Variants in ZSCAN25 observed in about 807,000 individuals in gnomAD.
The protein encoded by ZSCAN25 is zinc finger and SCAN domain-containing protein 25.
ZSCAN25 carries 27 observed loss-of-function variants against 38.7 expected under a neutral mutation model. That is an observed-to-expected ratio of 0.70 (90% CI 0.51 to 0.96). The LOEUF is 0.96. Among genes scored for constraint, ZSCAN25 ranks in the 40% least tolerant of loss-of-function variants. The pLI, the probability that ZSCAN25 is intolerant of heterozygous loss-of-function variation, is 0.00. For synonymous variants in ZSCAN25, 273 were observed against 277.7 expected (o/e 0.98, Z 0.17); for missense variants, 637 against 705.9 (o/e 0.90, Z 1.11).
At chr7:99,660,530 T>A in the ZSCAN25 span, 23 of 1,613,514 alleles carry the variant, frequency 1.4e-5, no homozygotes, top group Non-Finnish European at 1.8e-5. Flanking sequence ...AATCTCCTTT[T>A]GCAGTTTCTG....
the ZSCAN25 span, chr7:99,699,893 G>A: frequency 2.1e-6 from 2 of 971,222 alleles, no homozygotes; most frequent in Non-Finnish European, 3.3e-6. Context: ...TAAAACAGAT[G>A]AGGGAACAGG....
chr7:99,698,322 G>T, the ZSCAN25 span, among the ~76,000 whole-genome samples: 1 of 152,184 alleles, frequency 6.6e-6, no homozygotes, highest in African/African-American at 2.4e-5. Flanking sequence ...CTGTGTCCAG[G>T]CTTGAAGCAG....
Position 99,622,583 on chromosome 7 carries a change from CG to C in ZSCAN25, c.625del (p.Ala209GlnfsTer2). 6.2e-7 allele frequency: 1 copy of C among 1,614,182 alleles called. No homozygotes were observed. On this transcript the variant is annotated frameshift_variant, in exon 6 of 8. Coordinates refer to ENST00000394152, the MANE Select transcript of ZSCAN25 (RefSeq NM_145115.3). LOFTEE classifies it high-confidence loss of function. ...PVLQAGPGLP[A>X]VNPRDQEMAA... ...TTCTGCAGGCGGGTCCTGGCCTCCC[CG>C]CAGTGAATCCCAGAGACCAAGAGAT...
At chr7:99,709,226 C>T in the ZSCAN25 span, 4 of 1,613,924 alleles carry the variant, frequency 2.5e-6, no homozygotes, top group Non-Finnish European at 2.5e-6. Context: ...TGTCAAGATA[C>T]TCCAACTGTA....
At position 99,631,111 on chromosome 7, in the gene ZSCAN25, A is replaced by G; in HGVS notation, c.*1091A>G. 1.2e-5 allele frequency: 12 copies of G among 985,430 alleles called. No homozygotes were observed. The highest frequency in any genetic ancestry group is 1.4e-5 in the Non-Finnish European group (12 of 829,938). 61.0% of individuals were successfully genotyped at this position (985,430 alleles called of 1,614,324 possible). On this transcript the variant is annotated 3_prime_UTR_variant, in exon 8 of 8. Coordinates refer to ENST00000394152, the MANE Select transcript of ZSCAN25 (RefSeq NM_145115.3). ...CGTAGAGCTTATGTCTCGTGGATGT[A>G]CCTGATCTTCAGAACCCGTGGATAT...
the ZSCAN25 span, chr7:99,638,543 C>T: frequency 2.6e-6 from 4 of 1,524,366 alleles, no homozygotes; most frequent in Admixed American, 1.7e-5. Flanking sequence ...TGTAGTTATG[C>T]CGCGAGAGCG....
rs1473529474 is a variant in ZSCAN25, at chr7:99,630,056, T to G, written c.*36T>G. The G allele has an allele frequency of 6.7e-7, 1 of 1,484,106 alleles. No homozygotes were observed. The allele number at this position is 1,484,106 out of a possible 1,614,324, so 91.9% of individuals were successfully genotyped here. On this transcript the variant is annotated 3_prime_UTR_variant, in exon 8 of 8. Coordinates refer to ENST00000394152, the MANE Select transcript of ZSCAN25 (RefSeq NM_145115.3). ...TGGCAGGCAGCACCATCATTCATCT[T>G]TCTCACTGCAGGGCCTTGCGGGGTG... is the stretch of plus-strand genomic sequence containing the variant.
chr7:99,665,183 G>T, the ZSCAN25 span: 1 of 1,612,338 alleles, frequency 6.2e-7, no homozygotes, highest in Non-Finnish European at 8.5e-7. Flanking sequence ...GAGAAATAAT[G>T]GATCTAAGAA....
At chr7:99,638,692 C>T in the ZSCAN25 span, 4 of 1,476,600 alleles carry the variant, frequency 2.7e-6, no homozygotes, top group Admixed American at 1.7e-5. Flanking sequence ...TGTTGTCTTG[C>T]CGGCCGCATC....
At chr7:99,702,725 T>C in the ZSCAN25 span, among the ~76,000 whole-genome samples, 3 of 152,232 alleles carry the variant, frequency 2.0e-5, no homozygotes. Context: ...GCTTTGGCTA[T>C]TCTGGGTATT....
the ZSCAN25 span, among the ~76,000 whole-genome samples, chr7:99,734,799 T>A: frequency 6.6e-6 from 1 of 151,962 alleles, no homozygotes; most frequent in Non-Finnish European, 1.5e-5. Flanking sequence ...TTTTTGTAAT[T>A]TTAGTAGAGA....
chr7:99,632,363 T>TAAGG lies in ZSCAN25; in HGVS notation c.*2344_*2345insAGGA. On this transcript the variant is annotated 3_prime_UTR_variant, in exon 8 of 8. Coordinates refer to ENST00000394152, the MANE Select transcript of ZSCAN25 (RefSeq NM_145115.3). ...TTTCAAACCTATATAAATAAATCCT[T>TAAGG]ATGTATTTATCATTTGACTTTATTA... 1.7e-6 allele frequency: 1 copy of TAAGG among 595,018 alleles called. No individual in the cohort carries two copies. The highest frequency in any genetic ancestry group is 2.1e-6 in the Non-Finnish European group (1 of 473,630). The allele number at this position is 595,018 out of a possible 1,614,324, so 36.9% of individuals were successfully genotyped here. A position where few individuals can be genotyped will look rare whatever the true frequency, so the allele number is the denominator to read the frequency against.
the ZSCAN25 span, among the ~76,000 whole-genome samples, chr7:99,691,482 T>C: frequency 6.6e-6 from 1 of 152,184 alleles, no homozygotes; most frequent in Non-Finnish European, 1.5e-5. Context: ...ATCTGTCTAA[T>C]ATTGACAATG....
the ZSCAN25 span, among the ~76,000 whole-genome samples, chr7:99,689,702 G>A: frequency 6.6e-6 from 1 of 152,154 alleles, no homozygotes; most frequent in Admixed American, 6.5e-5. Context: ...ATTCACAATT[G>A]CTTCAAAGAG....
At chr7:99,659,245 A>G in the ZSCAN25 span, 1 of 152,088 alleles carries the variant, frequency 6.6e-6, no homozygotes, top group Non-Finnish European at 1.5e-5. Context: ...TGATGTACAG[A>G]TGGGTTTTGG....
At chr7:99,701,997 ATTAC>A in the ZSCAN25 span, among the ~76,000 whole-genome samples, 1 of 150,964 alleles carries the variant, frequency 6.6e-6, no homozygotes, top group African/African-American at 2.4e-5. Context: ...CTTGTGGGGT[ATTAC>A]TTCAGCATTT....
At chr7:99,713,185 A>G in the ZSCAN25 span, among the ~76,000 whole-genome samples, 1 of 152,196 alleles carries the variant, frequency 6.6e-6, no homozygotes, top group African/African-American at 2.4e-5. Flanking sequence ...GATCTGGAGG[A>G]GGCTGAGAAC....
the ZSCAN25 span, among the ~76,000 whole-genome samples, chr7:99,733,964 C>T: frequency 8.5e-5 from 13 of 152,156 alleles, no homozygotes; most frequent in Non-Finnish European, 1.5e-4. Context: ...ATATTCCTGA[C>T]ATTATTCTGG....
the ZSCAN25 span, chr7:99,652,797 GA>G: frequency 4.1e-5 from 66 of 1,594,966 alleles, no homozygotes; most frequent in Non-Finnish European, 5.2e-5. Context: ...GAAAGAAACA[GA>G]ATTGGATAAT....
Sources: gnomAD v4.1 joint callset for allele counts (sites outside exome capture counted in the v4.1 genomes callset) on GRCh38, gnomAD v4.1.1 for gene constraint, MANE v1.5 for transcripts, NCBI Gene and HGNC (gene_info 2026-07-23, HGNC 2026-07-21) for gene names.